The following NARS2 variants were observed in gnomAD, a reference collection of about 807,000 sequenced individuals.
The protein encoded by NARS2 is asparaginyl-tRNA synthetase 2, mitochondrial.
NARS2 carries 60 observed loss-of-function variants against 62.9 expected under a neutral mutation model. That is an observed-to-expected ratio of 0.95 (90% CI 0.77 to 1.18). NARS2 has a LOEUF of 1.18. Among genes scored for constraint, NARS2 ranks in the 50% most tolerant of loss-of-function variants. The probability of loss-of-function intolerance (pLI) is 0.00; values close to 1 mark genes in which losing one functional copy is unlikely to be tolerated. For missense variants in NARS2, 619 were observed against 576.4 expected, an observed-to-expected ratio of 1.07 and a Z score of -0.76; for synonymous variants, 196 against 200.0, an observed-to-expected ratio of 0.98 and a Z score of 0.17.
intron 6 of NARS2, among the ~76,000 whole-genome samples, chr11:78,512,046 G>GA (rs963221764): frequency 1.8e-4 from 27 of 152,268 alleles, no homozygotes; most frequent in African/African-American, 6.0e-4. Flanking sequence ...AAGAACAAAA[G>GA]AATCTGGAAC....
intron 9 of NARS2, among the ~76,000 whole-genome samples, chr11:78,476,873 A>G (rs75288475): frequency 0.012 from 1,876 of 152,278 alleles, 30 homozygotes; most frequent in African/African-American, 0.043. Context: ...TACCCTCCCA[A>G]ATATATGAAA....
At chr11:78,490,526 A>G (rs1433779379) in intron 7 of NARS2, among the ~76,000 whole-genome samples, 1 of 152,204 alleles carries the variant, frequency 6.6e-6, no homozygotes, top group Non-Finnish European at 1.5e-5. Flanking sequence ...GAAGAAAAAG[A>G]GAAAATGAGG....
chr11:78,469,112 G>A, intron 10 of NARS2, 135 bp downstream of exon 10: 1 of 608,422 alleles, frequency 1.6e-6, no homozygotes, highest in Non-Finnish European at 3.0e-6. Context: ...TCTTAAGTCT[G>A]TGTACAAATG....
intron 5 of NARS2, among the ~76,000 whole-genome samples, chr11:78,550,487 T>C (rs1309946221): frequency 6.6e-6 from 1 of 152,216 alleles, no homozygotes; most frequent in African/African-American, 2.4e-5. Flanking sequence ...ATGAAGAAAT[T>C]TAAATTTTAA....
At chr11:78,563,918 T>TTATTATTATTAC (rs373288163) in intron 4 of NARS2, among the ~76,000 whole-genome samples, 14 of 123,808 alleles carry the variant, frequency 1.1e-4, no homozygotes, top group South Asian at 8.3e-4. Flanking sequence ...ATTATTATTA[T>TTATTATTATTAC]TGAGATGGAA....
chr11:78,565,713 G>A (rs1856720239), intron 4 of NARS2, among the ~76,000 whole-genome samples: 1 of 152,132 alleles, frequency 6.6e-6, no homozygotes, highest in South Asian at 2.1e-4. Context: ...AGAAAACAGT[G>A]CCCAGTGCTC....
chr11:78,485,667 T>C lies in NARS2; in HGVS notation c.823-6984A>G, dbSNP rs184970813. On this transcript the variant is annotated intron_variant, in intron 7 of 13. Coordinates refer to ENST00000281038, the MANE Select transcript of NARS2 (RefSeq NM_024678.6). ...GGTAAAGTCCCTGTAGGATAGTGTT[T>C]TTAGGAAAATCCTTGGTTGTTTTGT... Among the ~76,000 whole-genome samples the C allele has an allele frequency of 5.3e-5, 8 of 152,264 alleles. No individual in the cohort carries two copies. The East Asian group carries it at 1.5e-3, about 29-fold the overall frequency.
chr11:78,440,071 A>C (rs1482534785), intron 13 of NARS2, among the ~76,000 whole-genome samples: 1 of 152,038 alleles, frequency 6.6e-6, no homozygotes, highest in Non-Finnish European at 1.5e-5. Context: ...TAAATTAATT[A>C]ATTTATTTTT....
At chr11:78,466,246 A>C (rs1269926222) in intron 10 of NARS2, among the ~76,000 whole-genome samples, 1 of 151,956 alleles carries the variant, frequency 6.6e-6, no homozygotes. Flanking sequence ...CACTATGCTT[A>C]CTGTGTCCCC....
intron 4 of NARS2, among the ~76,000 whole-genome samples, chr11:78,562,031 TCAAAAAA>T (rs60769770): frequency 0.1 from 15,741 of 151,008 alleles, 1,250 homozygotes; most frequent in African/African-American, 0.22. Flanking sequence ...CGAGACTCTG[TCAAAAAA>T]CAAAAAACAA....
rs948545056 is a variant in NARS2 at position 78,490,576 on chromosome 11, G to C, written c.822+2487C>G. 7.9e-5 allele frequency among the ~76,000 whole-genome samples: 12 copies of C among 152,194 alleles called. No homozygotes were observed. In the East Asian group the frequency reaches 2.1e-3, roughly 27 times the overall value. On this transcript the variant is annotated intron_variant, in intron 7 of 13. Transcript: ENST00000281038. ...TCATGCCTGTAATCCCAGCACTTTG[G>C]GACACTGAGGCAGGCGGATGGCTTG...
At chr11:78,466,661 T>C (rs1267451083) in intron 10 of NARS2, among the ~76,000 whole-genome samples, 1 of 152,112 alleles carries the variant, frequency 6.6e-6, no homozygotes, top group Admixed American at 6.6e-5. Context: ...TTTTGTATTT[T>C]CAGTAGAGAT....
At chr11:78,540,741 G>A (rs1855581088) in intron 5 of NARS2, among the ~76,000 whole-genome samples, 1 of 152,084 alleles carries the variant, frequency 6.6e-6, no homozygotes, top group Non-Finnish European at 1.5e-5. Flanking sequence ...TGAAGAAAAG[G>A]GAGAGTACTC....
chr11:78,483,617 C>A (rs904443511), intron 7 of NARS2, among the ~76,000 whole-genome samples: 3 of 152,160 alleles, frequency 2.0e-5, no homozygotes, highest in Non-Finnish European at 4.4e-5. Context: ...AGAGCCAAAT[C>A]ATGAGTCAAC....
At chr11:78,509,991 A>G (rs960801736) in intron 6 of NARS2, among the ~76,000 whole-genome samples, 1 of 152,172 alleles carries the variant, frequency 6.6e-6, no homozygotes, top group Admixed American at 6.5e-5. Flanking sequence ...AATATATGCA[A>G]AAGAAAATAA....
intron 11 of NARS2, among the ~76,000 whole-genome samples, chr11:78,452,496 C>T (rs188999028): frequency 6.6e-6 from 1 of 152,096 alleles, no homozygotes; most frequent in African/African-American, 2.4e-5. Context: ...CCGCCTTGAC[C>T]TCCCAGGCTC....
intron 6 of NARS2, among the ~76,000 whole-genome samples, chr11:78,519,210 G>A (rs565711048): frequency 6.6e-6 from 1 of 152,226 alleles, no homozygotes; most frequent in African/African-American, 2.4e-5. Flanking sequence ...TCCTGAGTAC[G>A]AATTTTTCAT....
intron 6 of NARS2, among the ~76,000 whole-genome samples, chr11:78,494,006 T>C (rs1444818345): frequency 2.0e-5 from 3 of 152,228 alleles, no homozygotes; most frequent in African/African-American, 7.2e-5. Context: ...GTTCACCTTG[T>C]TCAAAGCCCA....
intron 5 of NARS2, among the ~76,000 whole-genome samples, chr11:78,534,616 CAA>C (rs1861604140): frequency 6.6e-6 from 1 of 152,136 alleles, no homozygotes; most frequent in Non-Finnish European, 1.5e-5. Flanking sequence ...CTCTTAAGAT[CAA>C]AGATTCATAC....
Sources: gnomAD v4.1 joint callset for allele counts (sites outside exome capture counted in the v4.1 genomes callset) on GRCh38, gnomAD v4.1.1 for gene constraint, MANE v1.5 for transcripts, NCBI Gene and HGNC (gene_info 2026-07-23, HGNC 2026-07-21) for gene names.